The following GUCY2F variants were observed in gnomAD, a reference collection of about 807,000 sequenced individuals.
The protein encoded by GUCY2F is retinal guanylyl cyclase 2.
In GUCY2F, 61 loss-of-function variants were observed where a neutral mutation model predicts 73.1. The observed-to-expected ratio is 0.83, with a 90% confidence interval of 0.68 to 1.03. GUCY2F has a LOEUF of 1.03. GUCY2F is among the 50% of genes least tolerant of loss of function. The pLI is 0.00. For missense variants in GUCY2F, 912 were observed against 854.3 expected (o/e 1.07, Z -0.84); for synonymous variants, 331 against 307.8 (o/e 1.08, Z -0.79).
chrX:109,480,057 T>A (rs916619725), intron 1 of GUCY2F, among the ~76,000 whole-genome samples: 1 of 111,508 alleles, frequency 9.0e-6, no homozygotes, highest in Non-Finnish European at 1.9e-5. Flanking sequence ...AAAAAATATA[T>A]GTTGAATTAA....
chrX:109,463,569 C>G (rs1346891656), intron 3 of GUCY2F, among the ~76,000 whole-genome samples: 1 of 109,008 alleles, frequency 9.2e-6, no homozygotes, highest in Non-Finnish European at 1.9e-5. Context: ...TCCCGAGTAG[C>G]TGGGACTACA....
At position 109,453,792 on chromosome X, in the gene GUCY2F, A is replaced by G. The variant is rs1317998682; in HGVS notation, c.1100T>C (p.Met367Thr). The G allele has an allele frequency of 8.3e-7, 1 of 1,206,321 alleles. No individual in the cohort carries two copies. Among genetic ancestry groups the G allele is most frequent in the Non-Finnish European group, 1.1e-6 (1 of 890,861 alleles). ...YFIAQAMNNA[M>T]KENGQAGAAS... ...AGCACCAGCCTGTCCATTTTCTTTCATAGCATTATTCATGGCTTGTGCGAT... is the reference window on the plus strand; with the variant it reads ...AGCACCAGCCTGTCCATTTTCTTTCGTAGCATTATTCATGGCTTGTGCGAT... Residue 367 changes from methionine to threonine, a missense_variant, in exon 4 of 20, where the codon ATG becomes ACG. Physicochemically the swap from Met to Thr is moderately conservative, Grantham distance 81. Coordinates refer to ENST00000218006, the MANE Select transcript of GUCY2F (RefSeq NM_001522.3).
chrX:109,410,411 A>T (rs1931082065), intron 8 of GUCY2F, among the ~76,000 whole-genome samples: 1 of 112,520 alleles, frequency 8.9e-6, no homozygotes, highest in African/African-American at 3.2e-5. Flanking sequence ...AGCATCTATT[A>T]AAATAGCTTC....
intron 16 of GUCY2F, among the ~76,000 whole-genome samples, chrX:109,384,687 T>C (rs1319078334): frequency 8.9e-6 from 1 of 112,079 alleles, no homozygotes; most frequent in African/African-American, 3.2e-5. Context: ...GTAGAGGCTA[T>C]TTGATGAAGC....
intron 4 of GUCY2F, among the ~76,000 whole-genome samples, chrX:109,453,153 G>A (rs1932172835): frequency 9.0e-6 from 1 of 111,338 alleles, no homozygotes; most frequent in Non-Finnish European, 1.9e-5. Flanking sequence ...GGATGGATAG[G>A]GGACCTTGAA....
intron 3 of GUCY2F, among the ~76,000 whole-genome samples, chrX:109,457,331 C>T (rs1932279935): frequency 9.0e-6 from 1 of 111,467 alleles, no homozygotes; most frequent in Non-Finnish European, 1.9e-5. Flanking sequence ...GACACAAAAC[C>T]GCCTTCCAAA....
chrX:109,391,962 A>G lies in GUCY2F; in HGVS notation c.2730T>C (p.Asn910=). The G allele has an allele frequency of 1.7e-6, 2 of 1,207,901 alleles. No homozygotes were observed. Among genetic ancestry groups the G allele is most frequent in the Non-Finnish European group, 2.2e-6 (2 of 892,298 alleles). The change falls in exon 14 of 20, where the codon AAT becomes AAC. Residue 910 remains asparagine, a synonymous_variant. Coordinates refer to ENST00000218006, the MANE Select transcript of GUCY2F (RefSeq NM_001522.3). ...SEPIEVVDLL[N]DLYTLFDAII... Reference sequence around the variant, plus strand: ...TTGCATCAAAGAGTGTGTACAGGTCATTCAGAAGATCCACGACCTCAATGG... The same window carrying G: ...TTGCATCAAAGAGTGTGTACAGGTCGTTCAGAAGATCCACGACCTCAATGG...
At chrX:109,456,446 G>C (rs941678225) in intron 3 of GUCY2F, among the ~76,000 whole-genome samples, 2 of 111,545 alleles carry the variant, frequency 1.8e-5, no homozygotes, top group East Asian at 2.8e-4. Context: ...GAAAGAAACT[G>C]CATCTACCTA....
chrX:109,402,829 A>G (rs1411807180), intron 10 of GUCY2F, among the ~76,000 whole-genome samples: 1 of 111,484 alleles, frequency 9.0e-6, no homozygotes, highest in Non-Finnish European at 1.9e-5. Context: ...GACTCCCTAA[A>G]TTTAATAACC....
At chrX:109,387,604 T>A (rs1374521112) in intron 15 of GUCY2F, among the ~76,000 whole-genome samples, 4 of 111,465 alleles carry the variant, frequency 3.6e-5, no homozygotes, top group African/African-American at 1.3e-4. Context: ...AAACAGTGGA[T>A]CCTGACAGAA....
intron 8 of GUCY2F, among the ~76,000 whole-genome samples, chrX:109,410,991 T>C (rs757128811): frequency 9.0e-6 from 1 of 111,226 alleles, no homozygotes; most frequent in South Asian, 3.9e-4. Flanking sequence ...GCTATGGAAT[T>C]TGAAATTTAT....
chrX:109,401,664 G>A (rs62597560), intron 10 of GUCY2F, among the ~76,000 whole-genome samples: 323 of 111,468 alleles, frequency 2.9e-3, no homozygotes, highest in Non-Finnish European at 4.5e-3. Flanking sequence ...TTAATTGAAT[G>A]AGTAATGCTA....
intron 16 of GUCY2F, among the ~76,000 whole-genome samples, chrX:109,384,412 C>T (rs1424232361): frequency 1.8e-5 from 2 of 112,169 alleles, no homozygotes; most frequent in African/African-American, 3.2e-5. Flanking sequence ...AAATGCTTTG[C>T]TCAACCATGA....
chrX:109,417,587 C>T (rs1337511039), intron 8 of GUCY2F, among the ~76,000 whole-genome samples: 2 of 111,210 alleles, frequency 1.8e-5, no homozygotes, highest in Non-Finnish European at 3.8e-5. Context: ...CAAACAGAGA[C>T]ATAGATGAGT....
intron 3 of GUCY2F, among the ~76,000 whole-genome samples, chrX:109,456,414 TGAAAGGCACAGAGCCTTCTGA>T (rs1462492569): frequency 3.6e-5 from 4 of 111,777 alleles, no homozygotes; most frequent in Admixed American, 9.5e-5. Context: ...TGTTCTGTTT[TGAAAGGCACAGAGCCTTCTGA>T]GAAAGAAACT....
intron 2 of GUCY2F, among the ~76,000 whole-genome samples, chrX:109,473,261 C>T (rs1446592947): frequency 8.9e-6 from 1 of 112,006 alleles, no homozygotes; most frequent in Non-Finnish European, 1.9e-5. Flanking sequence ...TAACCATCCT[C>T]TCTGGGTTTT....
intron 4 of GUCY2F, 76 bp from the exon 5 acceptor site, chrX:109,452,183 T>C (rs753604136): frequency 1.7e-6 from 1 of 594,752 alleles, no homozygotes; most frequent in South Asian, 2.5e-5. Context: ...ACAGAGTGAC[T>C]CCTCATGCTT....
Position 109,475,453 on chromosome X carries a change from AG to A in GUCY2F, c.483del (p.Tyr162ThrfsTer16), listed in dbSNP as rs753665614. ...CVNYELDNKI[S>X]YPTFSRTLPS... The stretch of plus-strand genomic sequence containing the variant: ...GGGAGTGTCCGAGAAAAGGTCGGGT[AG>A]CTAATTTTATTGTCTAATTCATAAT... On this transcript the variant is annotated frameshift_variant, in exon 2 of 20. Coordinates refer to ENST00000218006, the MANE Select transcript of GUCY2F (RefSeq NM_001522.3). LOFTEE classifies it high-confidence loss of function. The A allele has an allele frequency of 8.3e-7, 1 of 1,211,274 alleles. No homozygotes were observed. The highest frequency in any genetic ancestry group is 1.1e-6 in the Non-Finnish European group (1 of 895,076).
chrX:109,473,864 A>T (rs1455489657), intron 2 of GUCY2F, among the ~76,000 whole-genome samples: 1 of 112,503 alleles, frequency 8.9e-6, no homozygotes, highest in African/African-American at 3.2e-5. Context: ...TAAAGTTATG[A>T]TACTAAATAT....
Sources: allele counts gnomAD v4.1 joint callset (sites outside exome capture counted in the v4.1 genomes callset), GRCh38; gene constraint gnomAD v4.1.1; transcripts MANE v1.5; gene names NCBI Gene and HGNC (gene_info 2026-07-23, HGNC 2026-07-21).